Variants in SMTN observed in about 807,000 individuals in gnomAD.
SMTN encodes the protein smoothelin.
A neutral mutation model predicts 102.0 loss-of-function variants in SMTN; 58 were observed. The ratio of observed to expected loss-of-function variants is 0.57; its 90% CI spans 0.46 to 0.71. The LOEUF (loss-of-function observed/expected upper bound fraction) is 0.71, where lower values mean the gene tolerates loss of function less well. Among genes scored for constraint, SMTN ranks in the 30% least tolerant of loss-of-function variants. The probability of loss-of-function intolerance (pLI) is 0.00; values close to 1 mark genes in which losing one functional copy is unlikely to be tolerated. For missense variants in SMTN, 1,185 were observed against 1,241.7 expected, an observed-to-expected ratio of 0.95 and a Z score of 0.69; for synonymous variants, 478 against 497.9, an observed-to-expected ratio of 0.96 and a Z score of 0.53.
chr22:31,083,453 T>G, intron 2 of SMTN, 144 bp downstream of exon 2: 1 of 1,007,934 alleles, frequency 9.9e-7, no homozygotes, highest in Non-Finnish European at 1.4e-6. Flanking sequence ...GTAGGCCAGT[T>G]CCATGTGGCT....
intron 1 of SMTN, chr22:31,064,647 C>G (rs1215362748): frequency 6.6e-6 from 1 of 152,096 alleles, no homozygotes; most frequent in African/African-American, 2.4e-5. Flanking sequence ...TGCACACCAC[C>G]ACACCTAGCT....
Position 31,095,832 on chromosome 22 carries a change from G to C in SMTN, c.1861+223G>C. ...TGACCCCAGTTATTCTCCCCAACCA[G>C]CTTCTCTTCTCCTTCCTAGACCCAG... is the stretch of plus-strand genomic sequence containing the variant. On this transcript the variant is annotated intron_variant, in intron 13 of 20. Transcript: ENST00000333137. This position sits in a 1 kb window ranked among gnomAD's most constrained non-coding sequence, Gnocchi z 4.1. 3.4e-6 allele frequency: 2 copies of C among 584,766 alleles called. No homozygotes were observed. Among genetic ancestry groups the C allele is most frequent in the Non-Finnish European group, 6.1e-6 (2 of 329,448 alleles). 36.2% of individuals were successfully genotyped at this position (584,766 alleles called of 1,614,324 possible).
intron 1 of SMTN, chr22:31,082,929 C>T (rs1164142567): frequency 6.5e-7 from 1 of 1,527,460 alleles, no homozygotes; most frequent in African/African-American, 1.4e-5. Context: ...GGATGAGAGT[C>T]CATCCCAGGC....
chr22:31,084,831 G>A (rs2042552796), intron 2 of SMTN, among the ~76,000 whole-genome samples: 1 of 152,314 alleles, frequency 6.6e-6, no homozygotes, highest in Admixed American at 6.5e-5. Context: ...CCGACCCCGG[G>A]AGCGGCTCCT....
At chr22:31,086,770 C>G (rs553065665) in intron 2 of SMTN, among the ~76,000 whole-genome samples, 1 of 152,332 alleles carries the variant, frequency 6.6e-6, no homozygotes, top group East Asian at 1.9e-4. Flanking sequence ...GAATGTGGAG[C>G]CTGGAGGGCT....
In SMTN at chr22:31,090,984, C is replaced by A; in HGVS notation, c.961C>A (p.Pro321Thr). ...NRESTPLASG[P>T]SSFQRAGSVR... is the part of the protein sequence containing the mutation. ...AGAGTCCACCCCCCTTGCCAGCGGA[C>A]CTTCCTCATTCCAGCGGGCTGGCTC... The change falls in exon 10 of 21, where the codon CCT becomes ACT. Residue 321 changes from proline to threonine, a missense_variant. Physicochemically the swap from Pro to Thr is conservative, Grantham distance 38 (BLOSUM62 -1). Transcript: ENST00000333137. 6.2e-7 allele frequency: 1 copy of A among 1,613,548 alleles called. No individual in the cohort carries two copies. Among genetic ancestry groups the A allele is most frequent in the Non-Finnish European group, 8.5e-7 (1 of 1,179,638 alleles).
At position 31,091,072 on chromosome 22, in the gene SMTN, G is replaced by A; in HGVS notation, c.1049G>A (p.Gly350Asp). ...CCTATGGCTGCTAGGCTCCAGGATG[G>A]CACACCCCAGGCTGCCCTAAGTCCC... ...DSPMAARLQD[G>D]TPQAALSPLT... Residue 350 changes from glycine to aspartate, a missense_variant, in exon 10 of 21, where the codon GGC (glycine) becomes GAC (aspartate). Around this residue, in one of 2 missense-constraint regions of SMTN, gnomAD observed 1,096 missense variants for 1,112.7 expected, o/e 0.98. Coordinates refer to ENST00000333137, the MANE Select transcript of SMTN (RefSeq NM_134269.3). 1 of 1,613,950 alleles carries A rather than the reference G, an allele frequency of 6.2e-7. No individual in the cohort carries two copies. The highest frequency in any genetic ancestry group is 1.1e-5 in the South Asian group (1 of 91,072).
At chr22:31,099,517 T>A in intron 18 of SMTN, 1 of 594,114 alleles carries the variant, frequency 1.7e-6, no homozygotes, top group East Asian at 2.8e-5. Context: ...ACCATAGCCT[T>A]AGCTGGGTGG....
chr22:31,074,304 A>G (rs933899121), intron 1 of SMTN, among the ~76,000 whole-genome samples: 5 of 152,178 alleles, frequency 3.3e-5, no homozygotes, highest in Non-Finnish European at 4.4e-5. Context: ...ACCTGAGCCC[A>G]GACAGGTCAA....
At chr22:31,089,669 C>T (rs758121304) in intron 6 of SMTN, 30 bp from the exon 7 acceptor site, 60 of 1,572,682 alleles carry the variant, frequency 3.8e-5, no homozygotes, top group Non-Finnish European at 4.9e-5. Flanking sequence ...GCCTAGGGAG[C>T]CTTGGTTGCA....
chr22:31,089,076 C>G, intron 6 of SMTN, 107 bp downstream of exon 6: 1 of 867,664 alleles, frequency 1.2e-6, no homozygotes. Flanking sequence ...AGGGGCCCAC[C>G]CCTGCCATCC....
At chr22:31,083,372 C>T in intron 2 of SMTN, 63 bp downstream of exon 2, 1 of 1,468,504 alleles carries the variant, frequency 6.8e-7, no homozygotes, top group African/African-American at 1.4e-5. Flanking sequence ...AGGGTCAATC[C>T]AGGGTACCTC....
intron 1 of SMTN, among the ~76,000 whole-genome samples, chr22:31,072,057 G>A (rs1240818575): frequency 6.6e-6 from 1 of 152,160 alleles, no homozygotes; most frequent in African/African-American, 2.4e-5. Flanking sequence ...AGAGGGAAGG[G>A]ATAGGATTTG....
intron 1 of SMTN, among the ~76,000 whole-genome samples, chr22:31,072,524 C>T (rs374450062): frequency 2.0e-5 from 3 of 152,026 alleles, no homozygotes; most frequent in Admixed American, 6.6e-5. Context: ...GGGCAATGCA[C>T]GATCTCAGTT....
rs184633901 is a variant in SMTN at position 31,088,618 on chromosome 22, G to T, written c.294+12G>T. On this transcript the variant is annotated intron_variant, in intron 4 of 20. Transcript: ENST00000333137. ...AATTGACTGCACTGGTGAGGCCCAG[G>T]CTGGGGCAGGGGATGGGGGCAGGGC... The T allele has an allele frequency of 3.7e-5, 59 of 1,613,552 alleles. 1 individual carries two copies. The African/African-American group carries it at 6.9e-4, about 19-fold the overall frequency.
At chr22:31,088,280 G>A in intron 3 of SMTN, 167 bp downstream of exon 3, 3 of 923,148 alleles carry the variant, frequency 3.2e-6, no homozygotes, top group Non-Finnish European at 1.6e-6. Context: ...TGGGCATGGA[G>A]CATGTACTGA....
At chr22:31,071,161 G>A (rs183143334) in intron 1 of SMTN, among the ~76,000 whole-genome samples, 17 of 150,838 alleles carry the variant, frequency 1.1e-4, no homozygotes, top group East Asian at 2.0e-4. Context: ...GATTGCTTGC[G>A]CCCAGGAGTT....
chr22:31,079,221 C>T (rs1387767809), upstream of SMTN, among the ~76,000 whole-genome samples: 1 of 152,186 alleles, frequency 6.6e-6, no homozygotes, highest in East Asian at 1.9e-4. Context: ...CTGTAAACTT[C>T]CCTAGCACTG....
rs777001091 is a variant in SMTN at position 31,090,190 on chromosome 22, C to G, written c.865+10C>G. On this transcript the variant is annotated intron_variant, in intron 8 of 20. Transcript: ENST00000333137. The stretch of plus-strand genomic sequence containing the variant: ...GACACCAAGAGAGCAGGTGAGGGTC[C>G]CAGCAGGGGTAGTCACAGGCATCTT... 7 of 1,601,410 alleles carry G rather than the reference C, an allele frequency of 4.4e-6. No homozygotes were observed. Among genetic ancestry groups the G allele is most frequent in the Non-Finnish European group, 6.0e-6 (7 of 1,174,622 alleles).
Sources: gnomAD v4.1 joint callset for allele counts (sites outside exome capture counted in the v4.1 genomes callset) on GRCh38, gnomAD v4.1.1 for gene constraint, gnomAD v4.1.1 regional missense constraint, Gnocchi (gnomAD v3.1) non-coding constraint, MANE v1.5 for transcripts, NCBI Gene and HGNC (gene_info 2026-07-23, HGNC 2026-07-21) for gene names.